The following KYAT3 variants were observed in gnomAD, a reference collection of about 807,000 sequenced individuals.
The protein encoded by KYAT3 is kynurenine--oxoglutarate transaminase 3.
KYAT3 carries 50 observed loss-of-function variants against 59.0 expected under a neutral mutation model. The observed-to-expected ratio is 0.85, with a 90% CI of 0.68 to 1.07. The LOEUF (loss-of-function observed/expected upper bound fraction) is 1.07, where lower values mean the gene tolerates loss of function less well. Ranked by LOEUF, KYAT3 falls within the 50% of genes least tolerant of loss-of-function variation. The pLI is 0.00. For synonymous variants in KYAT3, 148 were observed against 177.0 expected (o/e 0.84, Z 1.30); for missense variants, 497 against 533.3 (o/e 0.93, Z 0.67).
chr1:88,971,735 AACT>A (rs1242937087), intron 2 of KYAT3, among the ~76,000 whole-genome samples: 1 of 152,124 alleles, frequency 6.6e-6, no homozygotes, highest in African/African-American at 2.4e-5. Flanking sequence ...GCACTTGGCT[AACT>A]CCTATTCCAC....
rs111561056 is a variant in KYAT3 at position 88,982,149 on chromosome 1, T to C, written c.99+6103A>G. On this transcript the variant is annotated intron_variant, in intron 2 of 13. Coordinates refer to ENST00000260508, the MANE Select transcript of KYAT3 (RefSeq NM_001008661.3). The stretch of plus-strand genomic sequence containing the variant: ...CTGGGTGAATAGCACTTTCCTTACA[T>C]AGGCATCTGATTTCAGGTTTTGCAT... 6,865 of 945,952 alleles carry C rather than the reference T, an allele frequency of 7.3e-3. 27 individuals are homozygous for C. Among genetic ancestry groups the C allele is most frequent in the Non-Finnish European group, 8.2e-3 (6,526 of 792,742 alleles). The allele number at this position is 945,952 out of a possible 1,614,324, so 58.6% of individuals were successfully genotyped here. A position where few individuals can be genotyped will look rare whatever the true frequency, so the allele number is the denominator to read the frequency against.
At chr1:88,926,500 T>C in the KYAT3 span, among the ~76,000 whole-genome samples, 1 of 152,148 alleles carries the variant, frequency 6.6e-6, no homozygotes, top group African/African-American at 2.4e-5. Flanking sequence ...ACTTTTTGTA[T>C]AGACAGGATC....
At chr1:88,962,210 C>A in intron 5 of KYAT3, 65 bp from the exon 6 acceptor site, 1 of 1,182,210 alleles carries the variant, frequency 8.5e-7, no homozygotes, top group South Asian at 1.2e-5. Context: ...ATACTGTGTA[C>A]CTACTATGGG....
rs547981708 is a variant in KYAT3 at position 88,975,355 on chromosome 1, G to A, written c.100-5888C>T. On this transcript the variant is annotated intron_variant, in intron 2 of 13. Transcript: ENST00000260508. ...TTTAGGAGAGACTGGGTTTCACCACGTTAGCCAGGATGGTCTTGATCTCCT... is the reference window on the plus strand; with the variant it reads ...TTTAGGAGAGACTGGGTTTCACCACATTAGCCAGGATGGTCTTGATCTCCT... Among the ~76,000 whole-genome samples the A allele has an allele frequency of 7.9e-5, 12 of 152,258 alleles. No homozygotes were observed. The East Asian group carries it at 1.2e-3, about 15-fold the overall frequency.
chr1:88,971,817 G>C (rs1258416332), intron 2 of KYAT3, among the ~76,000 whole-genome samples: 1 of 152,034 alleles, frequency 6.6e-6, no homozygotes, highest in Non-Finnish European at 1.5e-5. Context: ...TACGAGTCAG[G>C]GTCAGGTGCT....
intron 2 of KYAT3, among the ~76,000 whole-genome samples, chr1:88,969,889 C>T (rs1249884989): frequency 1.3e-5 from 2 of 152,106 alleles, no homozygotes; most frequent in African/African-American, 4.8e-5. Flanking sequence ...AACTCCTGGC[C>T]TCAAGGGATC....
chr1:88,932,268 A>G (rs1348716490), downstream of KYAT3, among the ~76,000 whole-genome samples: 4 of 152,194 alleles, frequency 2.6e-5, no homozygotes, highest in Non-Finnish European at 4.4e-5. Flanking sequence ...TTTCATTGCC[A>G]TATGATATTC....
rs139906526 is a variant in KYAT3 at position 88,941,835 on chromosome 1, C to T, written c.1302+1170G>A. Among the ~76,000 whole-genome samples, 423 of 152,356 alleles carry T rather than the reference C, an allele frequency of 2.8e-3. 3 individuals carry two copies. Among genetic ancestry groups the T allele is most frequent in the African/African-American group, 9.5e-3 (397 of 41,588 alleles). On this transcript the variant is annotated intron_variant, in intron 13 of 13. Transcript: ENST00000260508. ...TTGGGACTATAGGCATGAGCCACTA[C>T]ACCTGACCTCTGGCTGCCTTTAATA... is the stretch of plus-strand genomic sequence containing the variant.
chr1:88,963,934 G>A (rs1355779617), intron 5 of KYAT3, among the ~76,000 whole-genome samples: 2 of 152,192 alleles, frequency 1.3e-5, no homozygotes, highest in Admixed American at 1.3e-4. Context: ...TGGGCGTGGT[G>A]GCTCACGCCT....
chr1:88,942,462 T>C (rs1675272769), intron 13 of KYAT3, among the ~76,000 whole-genome samples: 1 of 152,210 alleles, frequency 6.6e-6, no homozygotes, highest in African/African-American at 2.4e-5. Flanking sequence ...TTCTTATGTC[T>C]AGTAATTTTT....
intron 5 of KYAT3, among the ~76,000 whole-genome samples, chr1:88,963,937 T>A (rs900664652): frequency 1.3e-5 from 2 of 152,348 alleles, no homozygotes; most frequent in Middle Eastern, 6.8e-3. Context: ...GCGTGGTGGC[T>A]CACGCCTGTA....
At chr1:88,952,467 TGA>T (rs1358910108) in intron 10 of KYAT3, among the ~76,000 whole-genome samples, 2 of 152,150 alleles carry the variant, frequency 1.3e-5, no homozygotes, top group Non-Finnish European at 2.9e-5. Context: ...GCTGTTCTCA[TGA>T]GAGTGAGTTA....
At chr1:88,949,320 T>A in intron 10 of KYAT3, 43 bp from the exon 11 acceptor site, 2 of 1,346,080 alleles carry the variant, frequency 1.5e-6, no homozygotes, top group African/African-American at 1.5e-5. Context: ...CATATGGCAA[T>A]GTTATTTATT....
rs753465230 is a variant in KYAT3, at chr1:88,964,879, A to T, written c.403T>A (p.Tyr135Asn). 6.2e-6 allele frequency: 10 copies of T among 1,607,978 alleles called. No individual in the cohort carries two copies. The South Asian group carries it at 1.1e-4, about 18-fold the overall frequency. ...NKEILVTVGA[Y>N]GSLFNTIQAL... ...TGAATGGTGTTAAAAAGAGATCCAT[A>T]TGCTCCTACTGTCACAAGGATTTCT... Residue 135 changes from tyrosine (Y) to asparagine (N), a missense_variant, in exon 5 of 14, where the codon TAT (tyrosine) becomes AAT (asparagine). By Grantham distance (143) the Tyr-to-Asn change is moderately radical (BLOSUM62 -2). Transcript: ENST00000260508.
chr1:88,948,903 A>G (rs1675554992), intron 11 of KYAT3, among the ~76,000 whole-genome samples, 188 bp downstream of exon 11: 1 of 152,216 alleles, frequency 6.6e-6, no homozygotes, highest in South Asian at 2.1e-4. Flanking sequence ...CCATTTAACA[A>G]TGGTCACATT....
intron 2 of KYAT3, chr1:88,982,343 T>C (rs1677132629): frequency 1.4e-6 from 1 of 729,154 alleles, no homozygotes; most frequent in Non-Finnish European, 1.8e-6. Flanking sequence ...CCTCATTTAC[T>C]GGGAAAAACC....
At position 88,943,407 on chromosome 1, in the gene KYAT3, A is replaced by T. The variant is rs1675316778; in HGVS notation, c.1158T>A (p.Asp386Glu). 6.3e-7 allele frequency: 1 copy of T among 1,577,214 alleles called. No homozygotes were observed. The highest frequency in any genetic ancestry group is 1.2e-5 in the South Asian group (1 of 86,378). Residue 386 changes from aspartate to glutamate, a missense_variant, in exon 12 of 14, where the codon GAT becomes GAA. Asp to Glu is a conservative substitution (Grantham distance 45). Transcript: ENST00000260508. ...AGTCATAAGGCTCATTATTCTTCAT[A>T]TCAGAGAGGTCTGGATCTAAAACCA... ...DVSLLDPDLS[D>E]MKNNEPYDYK...
At chr1:88,991,904 C>T (rs6660788) in intron 1 of KYAT3, among the ~76,000 whole-genome samples, 29,997 of 152,154 alleles carry the variant, frequency 0.2, 3,702 homozygotes, top group East Asian at 0.37. Flanking sequence ...CAACAGACTG[C>T]CTTTCTGTTT....
intron 8 of KYAT3, among the ~76,000 whole-genome samples, chr1:88,955,659 T>C (rs906477200): frequency 6.6e-6 from 1 of 152,196 alleles, no homozygotes; most frequent in African/African-American, 2.4e-5. Flanking sequence ...TTGCCTATTT[T>C]CTGAGTGTAT....
Sources: allele counts gnomAD v4.1 joint callset (sites outside exome capture counted in the v4.1 genomes callset), GRCh38; gene constraint gnomAD v4.1.1; transcripts MANE v1.5; gene names NCBI Gene and HGNC (gene_info 2026-07-23, HGNC 2026-07-21).